Variants in POTEG observed in about 807,000 individuals in gnomAD.
POTEG encodes ANKRD26-like family C member 2.
Under a neutral mutation model 49.6 loss-of-function variants are expected in POTEG, and 2 were observed. The ratio of observed to expected loss-of-function variants is 0.04; its 90% CI spans 0.02 to 0.13. The LOEUF is 0.13. POTEG is among the 10% of genes least tolerant of loss of function. The probability of loss-of-function intolerance (pLI) is 1.00; values close to 1 mark genes in which losing one functional copy is unlikely to be tolerated. For synonymous variants in POTEG, 7 were observed against 186.6 expected, an observed-to-expected ratio of 0.04 and a Z score of 7.84; for missense variants, 26 against 545.2, an observed-to-expected ratio of 0.05 and a Z score of 9.48.
At chr14:19,432,449 T>A (rs1176886413) in intron 1 of POTEG, among the ~76,000 whole-genome samples, 2 of 46,166 alleles carry the variant, frequency 4.3e-5, no homozygotes, top group Non-Finnish European at 6.8e-5. Context: ...TATATATACA[T>A]ATATATATAC....
Position 19,425,704 on chromosome 14 carries a change from G to A in POTEG, c.819C>T (p.Leu273=). The A allele has an allele frequency of 3.3e-6, 2 of 609,546 alleles. No individual in the cohort carries two copies. The highest frequency in any genetic ancestry group is 4.7e-6 in the Non-Finnish European group (2 of 423,192). 37.8% of individuals were successfully genotyped at this position (609,546 alleles called of 1,614,324 possible). ...ADIESKNKHG[L]TPLLLGVHEQ... ...CATGTACACCAAGTAACAGTGGTGT[G>A]AGGCCATGCTGTAAAACAATATAAA... The change falls in exon 4 of 11, where the codon CTC becomes CTT. Residue 273 remains leucine, a synonymous_variant. Coordinates refer to ENST00000547848, the MANE Select transcript of POTEG (RefSeq NM_001005356.3).
intron 10 of POTEG, among the ~76,000 whole-genome samples, 176 bp from the exon 11 acceptor site, chr14:19,403,285 GATTT>G (rs1883256366): frequency 1.4e-5 from 1 of 70,046 alleles, no homozygotes; most frequent in Non-Finnish European, 3.4e-5. Context: ...TTCCTCTAGT[GATTT>G]ATTTTTCATA....
intron 6 of POTEG, among the ~76,000 whole-genome samples, chr14:19,420,022 CA>C (rs1361620552): frequency 7.2e-6 from 1 of 137,938 alleles, no homozygotes; most frequent in Middle Eastern, 3.3e-3. Context: ...TTGGTATTAG[CA>C]AAAGTGAATT....
chr14:19,426,661 C>T (rs1324538962), intron 3 of POTEG: 1 of 448,078 alleles, frequency 2.2e-6, no homozygotes, highest in Non-Finnish European at 4.5e-6. Context: ...ATAGATACTA[C>T]CAATAATATT....
chr14:19,421,375 AG>A (rs1433299858), intron 6 of POTEG: 47 of 524,754 alleles, frequency 9.0e-5, no homozygotes, highest in Non-Finnish European at 1.5e-4. Flanking sequence ...AAGACCATCT[AG>A]TTGCAGAAAA....
intron 1 of POTEG, among the ~76,000 whole-genome samples, chr14:19,430,699 A>G (rs1244557728): frequency 8.9e-4 from 113 of 126,570 alleles, no homozygotes; most frequent in African/African-American, 3.0e-3. Context: ...ATTGAAAACA[A>G]TGGATGAACA....
At chr14:19,426,298 T>A (rs1342086743) in intron 3 of POTEG, among the ~76,000 whole-genome samples, 28 of 144,154 alleles carry the variant, frequency 1.9e-4, no homozygotes, top group African/African-American at 6.5e-4. Flanking sequence ...CTACTGAAAC[T>A]AAATTAACAG....
At chr14:19,415,958 C>T (rs1241461902) in intron 7 of POTEG, among the ~76,000 whole-genome samples, 4 of 149,190 alleles carry the variant, frequency 2.7e-5, no homozygotes, top group African/African-American at 9.7e-5. Flanking sequence ...CATTCTCCTG[C>T]CTCAGCCTCC....
chr14:19,429,133 C>A, intron 1 of POTEG, 144 bp from the exon 2 acceptor site: 1 of 218,294 alleles, frequency 4.6e-6, no homozygotes, highest in Non-Finnish European at 7.9e-6. Context: ...AAAAAGCACA[C>A]GATTTATTAT....
intron 6 of POTEG, among the ~76,000 whole-genome samples, chr14:19,416,620 C>A (rs1594274633): frequency 2.2e-5 from 1 of 45,270 alleles, no homozygotes; most frequent in East Asian, 6.4e-4. Flanking sequence ...ATGAACAAAA[C>A]CACCATAAAC....
intron 6 of POTEG, among the ~76,000 whole-genome samples, chr14:19,420,570 GAAAA>G (rs1883719133): frequency 1.4e-5 from 1 of 73,338 alleles, no homozygotes. Flanking sequence ...CCTTAAAGAT[GAAAA>G]CTACATCTAT....
In POTEG at chr14:19,434,305, A is replaced by C. The variant is rs1388131468; in HGVS notation, c.-16T>G. On this transcript the variant is annotated 5_prime_UTR_variant, in exon 1 of 11. Transcript: ENST00000547848. ...CAGCCACCATCTGCTTTTAACAGCC[A>C]GGGGAGGCCGGTAGTAGCCAGCAGA... 1.2e-6 allele frequency: 2 copies of C among 1,612,450 alleles called. No individual in the cohort carries two copies. The highest frequency in any genetic ancestry group is 4.5e-5 in the East Asian group (2 of 44,852).
At chr14:19,432,505 T>C (rs1325836071) in intron 1 of POTEG, among the ~76,000 whole-genome samples, 1 of 109,196 alleles carries the variant, frequency 9.2e-6, no homozygotes, top group East Asian at 2.7e-4. Context: ...CATATGTAAA[T>C]AGGCACTTGT....
intron 4 of POTEG, chr14:19,424,889 T>TCACA: frequency 1.1e-5 from 1 of 93,702 alleles, no homozygotes; most frequent in East Asian, 2.7e-4. Context: ...GTTCCCAAGG[T>TCACA]CACACACCTA....
intron 6 of POTEG, among the ~76,000 whole-genome samples, chr14:19,419,666 T>C (rs1883675139): frequency 1.1e-5 from 1 of 95,032 alleles, no homozygotes; most frequent in African/African-American, 5.1e-5. Context: ...TCCCAGTGCC[T>C]GGTTTGGGAA....
intron 7 of POTEG, among the ~76,000 whole-genome samples, chr14:19,415,338 T>A (rs1477361294): frequency 7.0e-6 from 1 of 143,766 alleles, no homozygotes. Flanking sequence ...TTCTGCAAGA[T>A]ATGATTCCTT....
chr14:19,415,829 A>ATATTCTTTTT (rs1491555758), intron 7 of POTEG, among the ~76,000 whole-genome samples: 2 of 96,700 alleles, frequency 2.1e-5, no homozygotes, highest in Non-Finnish European at 2.0e-5. Context: ...ATCTATTAAA[A>ATATTCTTTTT]TTTTTTTTTT....
At chr14:19,429,284 AG>A (rs1884061379) in intron 1 of POTEG, among the ~76,000 whole-genome samples, 1 of 36,700 alleles carries the variant, frequency 2.7e-5, no homozygotes, top group Non-Finnish European at 5.6e-5. Context: ...TTGGGGTCTC[AG>A]TTTCCTCATC....
At chr14:19,426,645 A>G (rs1314210559) in intron 3 of POTEG, 10 of 449,490 alleles carry the variant, frequency 2.2e-5, no homozygotes, top group Non-Finnish European at 4.4e-5. Context: ...ATTATTCTGT[A>G]ACCTGATAGA....
Sources: gnomAD v4.1 joint callset for allele counts (sites outside exome capture counted in the v4.1 genomes callset) on GRCh38, gnomAD v4.1.1 for gene constraint, MANE v1.5 for transcripts, NCBI Gene and HGNC (gene_info 2026-07-23, HGNC 2026-07-21) for gene names.